RNLS: variants seen among roughly 807,000 people sequenced by gnomAD.
RNLS encodes the protein renalase.
Under a neutral mutation model 39.8 loss-of-function variants are expected in RNLS, and 39 were observed. The ratio of observed to expected loss-of-function variants is 0.98; its 90% CI spans 0.76 to 1.28. The LOEUF (loss-of-function observed/expected upper bound fraction) is 1.28. RNLS is among the 50% of genes most tolerant of loss of function. The probability of loss-of-function intolerance (pLI) is 0.00; values close to 1 mark genes in which losing one functional copy is unlikely to be tolerated. For synonymous variants in RNLS, 147 were observed against 150.7 expected (o/e 0.98, Z 0.18); for missense variants, 410 against 413.3 (o/e 0.99, Z 0.07).
chr10:88,545,669 C>T (rs545758440), intron 4 of RNLS, among the ~76,000 whole-genome samples: 1 of 152,194 alleles, frequency 6.6e-6, no homozygotes, highest in East Asian at 1.9e-4. Flanking sequence ...ATATCAGTAA[C>T]AATACAGAGT....
chr10:88,231,721 CAA>C, the RNLS span, among the ~76,000 whole-genome samples: 3 of 152,180 alleles, frequency 2.0e-5, no homozygotes, highest in South Asian at 6.2e-4. Context: ...AAGATGAGCC[CAA>C]AGAGTACCAG....
the RNLS span, among the ~76,000 whole-genome samples, chr10:88,214,586 T>C: frequency 6.6e-6 from 1 of 152,148 alleles, no homozygotes; most frequent in South Asian, 2.1e-4. Flanking sequence ...TTTACATTCA[T>C]TGGTATTACC....
At chr10:88,482,680 A>T (rs1844264432) in intron 4 of RNLS, among the ~76,000 whole-genome samples, 1 of 151,996 alleles carries the variant, frequency 6.6e-6, no homozygotes. Context: ...TTTCTATGAT[A>T]ATTTTTTCCT....
At chr10:88,213,104 G>GGAGA in the RNLS span, among the ~76,000 whole-genome samples, 1 of 152,154 alleles carries the variant, frequency 6.6e-6, no homozygotes, top group South Asian at 2.1e-4. Context: ...TTGCGGTTTG[G>GGAGA]GAGAGAAGCT....
chr10:88,343,642 TAG>T, intron 5 of RNLS: 3 of 985,404 alleles, frequency 3.0e-6, no homozygotes, highest in Non-Finnish European at 3.6e-6. Context: ...AAAAATTCCA[TAG>T]ATTCTGTCCA....
intron 4 of RNLS, among the ~76,000 whole-genome samples, chr10:88,378,123 C>A (rs1420039455): frequency 6.6e-6 from 1 of 152,032 alleles, no homozygotes; most frequent in Non-Finnish European, 1.5e-5. Context: ...AGCATTAACA[C>A]ACATGAAGCT....
chr10:88,230,346 C>T, the RNLS span, among the ~76,000 whole-genome samples: 1 of 152,212 alleles, frequency 6.6e-6, no homozygotes, highest in Non-Finnish European at 1.5e-5. Flanking sequence ...CCGTGATATC[C>T]AACTGGTGGC....
chr10:88,511,513 T>C (rs1284716157), intron 4 of RNLS, among the ~76,000 whole-genome samples: 1 of 152,038 alleles, frequency 6.6e-6, no homozygotes, highest in East Asian at 1.9e-4. Flanking sequence ...ATACCCAAGC[T>C]GAAGATGTGT....
chr10:88,205,157 G>A, the RNLS span, among the ~76,000 whole-genome samples: 1 of 151,986 alleles, frequency 6.6e-6, no homozygotes, highest in Non-Finnish European at 1.5e-5. Flanking sequence ...CAAGTGGCAG[G>A]GCTACTATTC....
chr10:88,312,827 T>A (rs750984029), intron 6 of RNLS, among the ~76,000 whole-genome samples: 1 of 152,184 alleles, frequency 6.6e-6, no homozygotes, highest in Non-Finnish European at 1.5e-5. Flanking sequence ...GAGGAAGTTA[T>A]AGAGATTTCC....
chr10:88,476,073 T>A (rs979613624), intron 4 of RNLS, among the ~76,000 whole-genome samples: 2 of 152,140 alleles, frequency 1.3e-5, no homozygotes, highest in Admixed American at 6.6e-5. Flanking sequence ...ACAATGCAGA[T>A]CCTGGGAGTC....
intron 4 of RNLS, among the ~76,000 whole-genome samples, chr10:88,461,546 A>C (rs1259466441): frequency 6.6e-6 from 1 of 152,044 alleles, no homozygotes; most frequent in East Asian, 1.9e-4. Flanking sequence ...CTTTCCCACA[A>C]CACCATCTTT....
intron 6 of RNLS, among the ~76,000 whole-genome samples, chr10:88,277,778 A>T (rs982040150): frequency 6.6e-6 from 1 of 152,162 alleles, no homozygotes; most frequent in Non-Finnish European, 1.5e-5. Flanking sequence ...TGATGTAAGA[A>T]TCTTTGACTT....
chr10:88,211,633 G>C, the RNLS span, among the ~76,000 whole-genome samples: 1 of 152,184 alleles, frequency 6.6e-6, no homozygotes, highest in African/African-American at 2.4e-5. Flanking sequence ...GGGTGAGACA[G>C]CATAACATGC....
chr10:88,355,925 C>T (rs1849137402), intron 5 of RNLS, among the ~76,000 whole-genome samples: 1 of 152,192 alleles, frequency 6.6e-6, no homozygotes, highest in African/African-American at 2.4e-5. Context: ...GCACCCCTCC[C>T]CCAGCCTCGC....
intron 4 of RNLS, among the ~76,000 whole-genome samples, chr10:88,535,016 T>A (rs1159341939): frequency 6.6e-6 from 1 of 152,080 alleles, no homozygotes; most frequent in Non-Finnish European, 1.5e-5. Flanking sequence ...GGTCCCTGAG[T>A]GTCAGTTATA....
intron 4 of RNLS, among the ~76,000 whole-genome samples, chr10:88,418,570 C>A (rs1388680989): frequency 6.7e-6 from 1 of 148,660 alleles, no homozygotes; most frequent in African/African-American, 2.5e-5. Context: ...CAAAGCCTTA[C>A]AAAATCTGAT....
chr10:88,387,238 A>G (rs577475318), intron 4 of RNLS, among the ~76,000 whole-genome samples: 1 of 152,168 alleles, frequency 6.6e-6, no homozygotes, highest in East Asian at 1.9e-4. Context: ...GGGGTGGGAG[A>G]AGTGGGGAGC....
the RNLS span, among the ~76,000 whole-genome samples, chr10:88,265,323 CTTTTTTTTT>C: frequency 2.9e-3 from 172 of 59,092 alleles, 2 homozygotes; most frequent in African/African-American, 8.6e-3. Context: ...CAGGGTTTTT[CTTTTTTTTT>C]TTTTTTTTTT....
Sources: allele counts gnomAD v4.1 joint callset (sites outside exome capture counted in the v4.1 genomes callset), GRCh38; gene constraint gnomAD v4.1.1; transcripts MANE v1.5; gene names NCBI Gene and HGNC (gene_info 2026-07-23, HGNC 2026-07-21).